The following UQCRC2 variants were observed in gnomAD, a reference collection of about 807,000 sequenced individuals.
UQCRC2 encodes ubiquinol-cytochrome c reductase core protein 2, also known as cytochrome b-c1 complex subunit 2, mitochondrial.
UQCRC2 carries 49 observed loss-of-function variants against 55.6 expected under a neutral mutation model. That is an observed-to-expected ratio of 0.88 (90% CI 0.70 to 1.12). The LOEUF (loss-of-function observed/expected upper bound fraction) is 1.12, where lower values mean the gene tolerates loss of function less well. Among genes scored for constraint, UQCRC2 ranks in the 50% most tolerant of loss-of-function variants. The pLI is 0.00. For synonymous variants in UQCRC2, 193 were observed against 192.0 expected (o/e 1.01, Z -0.04); for missense variants, 506 against 547.8 (o/e 0.92, Z 0.76).
chr16:21,966,469 A>C (rs888581540), intron 7 of UQCRC2, among the ~76,000 whole-genome samples: 1 of 152,222 alleles, frequency 6.6e-6, no homozygotes, highest in Non-Finnish European at 1.5e-5. Flanking sequence ...AGACCCAAAA[A>C]CAAATTTTAT....
intron 7 of UQCRC2, 93 bp downstream of exon 7, chr16:21,965,598 C>A: frequency 4.6e-6 from 5 of 1,085,016 alleles, no homozygotes; most frequent in Non-Finnish European, 6.2e-6. Context: ...TTCCTTTTAT[C>A]TTCTAACTTT....
intron 1 of UQCRC2, among the ~76,000 whole-genome samples, chr16:21,955,861 T>C (rs1898078180): frequency 6.6e-6 from 1 of 152,222 alleles, no homozygotes; most frequent in African/African-American, 2.4e-5. Flanking sequence ...GTTTTGCTCT[T>C]GTTGCCCAGG....
chr16:21,979,929 G>A (rs980671697), intron 12 of UQCRC2, among the ~76,000 whole-genome samples: 1 of 152,150 alleles, frequency 6.6e-6, no homozygotes, highest in African/African-American at 2.4e-5. Context: ...CTAGGCTAGT[G>A]ATATGCAGTA....
At chr16:21,962,246 C>T (rs1051398426) in intron 4 of UQCRC2, 57 of 566,434 alleles carry the variant, frequency 1.0e-4, no homozygotes, top group South Asian at 9.6e-4. Context: ...TAACATGTGA[C>T]CAGATTTCAC....
intron 12 of UQCRC2, 86 bp downstream of exon 12, chr16:21,976,329 C>A: frequency 8.8e-7 from 1 of 1,134,406 alleles, no homozygotes; most frequent in Non-Finnish European, 1.3e-6. Context: ...ACAATCTATG[C>A]TCATAAGGAC....
chr16:21,981,511 T>C (rs1898727386), intron 13 of UQCRC2, among the ~76,000 whole-genome samples: 1 of 152,082 alleles, frequency 6.6e-6, no homozygotes, highest in South Asian at 2.1e-4. Context: ...CCCAGCACTT[T>C]GGAAGGCTGA....
intron 4 of UQCRC2, 142 bp downstream of exon 4, chr16:21,958,741 CTG>C: frequency 1.4e-6 from 1 of 711,064 alleles, no homozygotes; most frequent in Non-Finnish European, 2.3e-6. Flanking sequence ...GTATATCAAA[CTG>C]TAAAACATCT....
chr16:21,966,945 T>TA (rs2141936404), intron 7 of UQCRC2, among the ~76,000 whole-genome samples: 1 of 152,338 alleles, frequency 6.6e-6, no homozygotes, highest in African/African-American at 2.4e-5. Flanking sequence ...TATTAGTTGA[T>TA]ACATAAAACT....
chr16:21,954,264 G>T (rs1486675977), intron 1 of UQCRC2, among the ~76,000 whole-genome samples: 1 of 152,220 alleles, frequency 6.6e-6, no homozygotes, highest in African/African-American at 2.4e-5. Context: ...GGCCAGGGAT[G>T]CTGCTAAACT....
intron 12 of UQCRC2, 169 bp downstream of exon 12, chr16:21,976,412 T>C: frequency 1.7e-6 from 1 of 588,950 alleles, no homozygotes; most frequent in Non-Finnish European, 2.8e-6. Flanking sequence ...TTGTTAACAT[T>C]TTGGCCAGGC....
At chr16:21,969,096 A>T (rs991189736) in intron 8 of UQCRC2, among the ~76,000 whole-genome samples, 2 of 152,232 alleles carry the variant, frequency 1.3e-5, no homozygotes, top group Non-Finnish European at 2.9e-5. Context: ...ATAATTAAGA[A>T]AATTTTAATC....
In UQCRC2 at chr16:21,965,390, T is replaced by G; in HGVS notation, c.515-18T>G. 6.2e-7 allele frequency: 1 copy of G among 1,611,696 alleles called. No individual in the cohort carries two copies. Among genetic ancestry groups the G allele is most frequent in the Non-Finnish European group, 8.5e-7 (1 of 1,178,086 alleles). ...CTGAAAGTGCATTTCCCTAAATGCT[T>G]CTTCACTTATCTCACAGATGTCATT... On this transcript the variant is annotated intron_variant, in intron 6 of 13. Transcript: ENST00000268379.
At position 21,976,176 on chromosome 16, in the gene UQCRC2, G is replaced by A; in HGVS notation, c.1057G>A (p.Ala353Thr). ...TTCTTATCTGTCCTAGGTTATCAAG[G>A]CTGCCTATAATCAAGTAAAAACAAT... Reference protein sequence around the residue: ...QATAAGDVIKAAYNQVKTIAQ... With the variant: ...QATAAGDVIKTAYNQVKTIAQ... The change falls in exon 12 of 14, where the codon GCT becomes ACT. Residue 353 changes from alanine (A) to threonine (T), a missense_variant. Transcript: ENST00000268379. 1 of 1,613,860 alleles carries A rather than the reference G, an allele frequency of 6.2e-7. No homozygotes were observed. Among genetic ancestry groups the A allele is most frequent in the East Asian group, 2.2e-5 (1 of 44,872 alleles).
Position 21,973,883 on chromosome 16 carries a change from C to G in UQCRC2, c.967-13C>G. ...GGTAGAATATCATACAGTAAAGTCT[C>G]ATTATCTTTCAGGTTTCTGCATTTA... On this transcript the variant is annotated splice_polypyrimidine_tract_variant and intron_variant, in intron 10 of 13. Transcript: ENST00000268379. 1.2e-6 allele frequency: 2 copies of G among 1,611,172 alleles called. No individual in the cohort carries two copies. The highest frequency in any genetic ancestry group is 2.2e-5 in the South Asian group (2 of 90,630).
intron 8 of UQCRC2, among the ~76,000 whole-genome samples, chr16:21,970,677 C>G (rs930683960): frequency 2.0e-5 from 3 of 152,156 alleles, no homozygotes; most frequent in African/African-American, 7.2e-5. Flanking sequence ...CCTCCACTTC[C>G]CAGGTTCAAG....
chr16:21,969,003 G>A (rs1351003133), intron 8 of UQCRC2, among the ~76,000 whole-genome samples: 1 of 152,292 alleles, frequency 6.6e-6, no homozygotes, highest in South Asian at 2.1e-4. Context: ...AACAGGCAAA[G>A]GGCATGAACA....
Position 21,974,443 on chromosome 16 carries a change from A to T in UQCRC2, c.1047+467A>T, listed in dbSNP as rs566193065. Among the ~76,000 whole-genome samples the T allele has an allele frequency of 5.3e-5, 8 of 152,330 alleles. No individual in the cohort carries two copies. The South Asian group carries it at 1.7e-3, about 32-fold the overall frequency. On this transcript the variant is annotated intron_variant, in intron 11 of 13. Coordinates refer to ENST00000268379, the MANE Select transcript of UQCRC2 (RefSeq NM_003366.4). ...AACAGAAAGAAAAAGAGAAGCTGAT[A>T]TATTTGAAGGATAGGAAAGAGAGTA...
At chr16:21,955,895 G>A (rs556672872) in intron 1 of UQCRC2, among the ~76,000 whole-genome samples, 4 of 151,860 alleles carry the variant, frequency 2.6e-5, no homozygotes, top group Non-Finnish European at 4.4e-5. Flanking sequence ...GCACAATCTC[G>A]GCTCACTGCA....
rs769719920 is a variant in UQCRC2 at position 21,983,219 on chromosome 16, G to A, written c.*48G>A. The A allele has an allele frequency of 3.9e-6, 6 of 1,548,956 alleles. No individual in the cohort carries two copies. Among genetic ancestry groups the A allele is most frequent in the African/African-American group, 1.4e-5 (1 of 73,206 alleles). On this transcript the variant is annotated 3_prime_UTR_variant, in exon 14 of 14. Coordinates refer to ENST00000268379, the MANE Select transcript of UQCRC2 (RefSeq NM_003366.4). Reference sequence around the variant, plus strand: ...GAGAGCTGAACGTTCTCTCAGCCCAGAGCAGCAAACACATGAAAGTCAGAA... The same window carrying A: ...GAGAGCTGAACGTTCTCTCAGCCCAAAGCAGCAAACACATGAAAGTCAGAA...
Sources: gnomAD v4.1 joint callset for allele counts (sites outside exome capture counted in the v4.1 genomes callset) on GRCh38, gnomAD v4.1.1 for gene constraint, MANE v1.5 for transcripts, NCBI Gene and HGNC (gene_info 2026-07-23, HGNC 2026-07-21) for gene names.